The following PXDC1 variants were observed in gnomAD, a reference collection of about 807,000 sequenced individuals.
PXDC1 encodes the protein PX domain containing 1, also known as PX domain-containing protein 1.
Under a neutral mutation model 24.4 loss-of-function variants are expected in PXDC1, and 13 were observed. The observed-to-expected ratio is 0.53, with a 90% CI of 0.35 to 0.85. The LOEUF (loss-of-function observed/expected upper bound fraction) is 0.85, where lower values mean the gene tolerates loss of function less well. PXDC1 is among the 40% of genes least tolerant of loss of function. The pLI is 0.01. For missense variants in PXDC1, 344 were observed against 309.3 expected, an observed-to-expected ratio of 1.11 and a Z score of -0.84; for synonymous variants, 162 against 124.9, an observed-to-expected ratio of 1.30 and a Z score of -1.98.
intron 3 of PXDC1, among the ~76,000 whole-genome samples, chr6:3,734,053 G>A (rs933535642): frequency 3.3e-5 from 5 of 152,182 alleles, no homozygotes; most frequent in African/African-American, 9.7e-5. Flanking sequence ...CATCACACAC[G>A]GAAGGCCACA....
intron 4 of PXDC1, among the ~76,000 whole-genome samples, chr6:3,726,683 C>G (rs1442753994): frequency 6.6e-6 from 1 of 152,246 alleles, no homozygotes; most frequent in Non-Finnish European, 1.5e-5. Context: ...GTGGCCGGCT[C>G]TAGTTTCAAT....
chr6:3,741,087 C>A (rs1053825479), intron 1 of PXDC1, among the ~76,000 whole-genome samples: 1 of 152,252 alleles, frequency 6.6e-6, no homozygotes, highest in African/African-American at 2.4e-5. Flanking sequence ...TTGGGCAGCA[C>A]CCCAGTCTCG....
chr6:3,723,671 G>C lies in PXDC1; in HGVS notation c.644C>G (p.Thr215Ser). ...EDGDDPAAYVTNLSYYHLVPF... is the reference protein window; with the variant it reads ...EDGDDPAAYVSNLSYYHLVPF... ...GACCAGGTGGTAATATGACAGGTTG[G>C]TGACGTAGGCTGCTGGGTCGTCCCC... is the stretch of plus-strand genomic sequence containing the variant. Residue 215 changes from threonine to serine, a missense_variant, in exon 5 of 5, where the codon ACC (threonine) becomes AGC (serine). Physicochemically the swap from Thr to Ser is moderately conservative, Grantham distance 58 (BLOSUM62 1). Transcript: ENST00000380283. 1 of 1,614,196 alleles carries C rather than the reference G, an allele frequency of 6.2e-7. No homozygotes were observed. The highest frequency in any genetic ancestry group is 8.5e-7 in the Non-Finnish European group (1 of 1,180,018).
At chr6:3,731,881 A>C (rs1008750359) in intron 3 of PXDC1, among the ~76,000 whole-genome samples, 29 of 152,158 alleles carry the variant, frequency 1.9e-4, no homozygotes, top group African/African-American at 6.8e-4. Context: ...TGAGACCTGG[A>C]GTGGCATATG....
At position 3,751,678 on chromosome 6, in the gene PXDC1, C is replaced by T; in HGVS notation, c.-147G>A. 9.1e-6 allele frequency: 11 copies of T among 1,204,690 alleles called. No individual in the cohort carries two copies. Among genetic ancestry groups the T allele is most frequent in the Non-Finnish European group, 1.1e-5 (11 of 958,358 alleles). 74.6% of individuals were successfully genotyped at this position (1,204,690 alleles called of 1,614,324 possible). ...TCACTCCAAGGAGGCTGCGTATGGCCCGCGTTCGGGGCAGCGGGGCGGCGC... is the reference window on the plus strand; with the variant it reads ...TCACTCCAAGGAGGCTGCGTATGGCTCGCGTTCGGGGCAGCGGGGCGGCGC... On this transcript the variant is annotated 5_prime_UTR_variant, in exon 1 of 5. Transcript: ENST00000380283.
In PXDC1 at chr6:3,724,423, T is replaced by C. The variant is rs1760010660; in HGVS notation, c.579-687A>G. ...TGACTCCCCACACACTGGAACTGTTTCTACTCCCTCTGCAGCCCAGGCAGA... is the reference window on the plus strand; with the variant it reads ...TGACTCCCCACACACTGGAACTGTTCCTACTCCCTCTGCAGCCCAGGCAGA... On this transcript the variant is annotated intron_variant, in intron 4 of 4. Coordinates refer to ENST00000380283, the MANE Select transcript of PXDC1 (RefSeq NM_183373.4). This position sits in a 1 kb window ranked among gnomAD's most constrained non-coding sequence, Gnocchi z 4.5. Among the ~76,000 whole-genome samples the C allele has an allele frequency of 6.6e-6, 1 of 152,154 alleles. No homozygotes were observed. Among genetic ancestry groups the C allele is most frequent in the Admixed American group, 6.5e-5 (1 of 15,282 alleles).
At chr6:3,740,747 TG>T (rs1429663643) in intron 1 of PXDC1, among the ~76,000 whole-genome samples, 4 of 152,220 alleles carry the variant, frequency 2.6e-5, no homozygotes, top group African/African-American at 9.6e-5. Flanking sequence ...AGGCTCATGA[TG>T]GGGCAAAGCC....
At chr6:3,734,110 G>A (rs888760282) in intron 3 of PXDC1, among the ~76,000 whole-genome samples, 2 of 152,206 alleles carry the variant, frequency 1.3e-5, no homozygotes, top group Admixed American at 1.3e-4. Flanking sequence ...AAAAGGCAAA[G>A]AAAACATACT....
In PXDC1 at chr6:3,725,986, T is replaced by C. The variant is rs1323071517; in HGVS notation, c.578+1565A>G. Reference sequence around the variant, plus strand: ...GTCACTCCTGTGCACATGCAGTCAGTCCCGGGCAGCTGCAAGAGCCACACC... The same window carrying C: ...GTCACTCCTGTGCACATGCAGTCAGCCCCGGGCAGCTGCAAGAGCCACACC... On this transcript the variant is annotated intron_variant, in intron 4 of 4. Transcript: ENST00000380283. This position sits in a 1 kb window ranked among gnomAD's most constrained non-coding sequence, Gnocchi z 4.8. 8.2e-5 allele frequency among the ~76,000 whole-genome samples: 12 copies of C among 146,622 alleles called. No individual in the cohort carries two copies. Among genetic ancestry groups the C allele is most frequent in the African/African-American group, 2.9e-4 (12 of 40,746 alleles).
chr6:3,736,661 C>T (rs999175892), intron 3 of PXDC1, among the ~76,000 whole-genome samples: 3 of 152,220 alleles, frequency 2.0e-5, no homozygotes, highest in African/African-American at 7.2e-5. Flanking sequence ...CCCACATCCA[C>T]GCTAAGGAGA....
At chr6:3,739,404 T>C (rs1760404682) in intron 1 of PXDC1, among the ~76,000 whole-genome samples, 1 of 152,228 alleles carries the variant, frequency 6.6e-6, no homozygotes, top group African/African-American at 2.4e-5. Flanking sequence ...GCTCACCTGG[T>C]ATCCCAGCAG....
At position 3,723,514 on chromosome 6, in the gene PXDC1, G is replaced by T; in HGVS notation, c.*105C>A. ...CGTCAGTGGGGCCTGGGACGTCTGG[G>T]AGTTCCAGAGCTGGGGCAGCAGCTG... On this transcript the variant is annotated 3_prime_UTR_variant, in exon 5 of 5. Coordinates refer to ENST00000380283, the MANE Select transcript of PXDC1 (RefSeq NM_183373.4). 1.1e-6 allele frequency: 1 copy of T among 879,466 alleles called. No individual in the cohort carries two copies. Among genetic ancestry groups the T allele is most frequent in the Non-Finnish European group, 1.9e-6 (1 of 534,030 alleles). 54.5% of individuals were successfully genotyped at this position (879,466 alleles called of 1,614,324 possible). A position where few individuals can be genotyped will look rare whatever the true frequency, so the allele number is the denominator to read the frequency against.
chr6:3,741,097 G>C lies in PXDC1; in HGVS notation c.257-2949C>G, dbSNP rs183354599. Among the ~76,000 whole-genome samples the C allele has an allele frequency of 3.0e-3, 461 of 152,348 alleles. 2 individuals are homozygous for C. The highest frequency in any genetic ancestry group is 0.011 in the African/African-American group (438 of 41,570). On this transcript the variant is annotated intron_variant, in intron 1 of 4. Coordinates refer to ENST00000380283, the MANE Select transcript of PXDC1 (RefSeq NM_183373.4). ...TGCCCTTGGGCAGCACCCCAGTCTC[G>C]GTCTTCTCGTCATCACCTCAGCCTG...
intron 1 of PXDC1, among the ~76,000 whole-genome samples, chr6:3,750,041 G>T (rs935947800): frequency 2.0e-5 from 3 of 152,254 alleles, no homozygotes; most frequent in African/African-American, 7.2e-5. Context: ...TGAGGCTCTG[G>T]GGAGCAGAGG....
intron 1 of PXDC1, among the ~76,000 whole-genome samples, chr6:3,743,964 T>TG (rs1000601618): frequency 1.3e-5 from 2 of 152,152 alleles, no homozygotes; most frequent in African/African-American, 4.8e-5. Context: ...GGACCCAAGC[T>TG]GGGGGCTGAG....
Position 3,737,298 on chromosome 6 carries a change from G to C in PXDC1, c.349-102C>G, listed in dbSNP as rs534764025. 8 of 816,776 alleles carry C rather than the reference G, an allele frequency of 9.8e-6. No homozygotes were observed. The African/African-American group carries it at 1.2e-4, about 12-fold the overall frequency. 50.6% of individuals were successfully genotyped at this position (816,776 alleles called of 1,614,324 possible). A position where few individuals can be genotyped will look rare whatever the true frequency, so the allele number is the denominator to read the frequency against. Reference sequence around the variant, plus strand: ...CCGCTCCTCCGCAGAGGCAGCCTGTGTGATGCAAACGCCCCATGAATGTCC... The same window carrying C: ...CCGCTCCTCCGCAGAGGCAGCCTGTCTGATGCAAACGCCCCATGAATGTCC... On this transcript the variant is annotated intron_variant, in intron 2 of 4. Transcript: ENST00000380283. This position sits in a 1 kb window ranked among gnomAD's most constrained non-coding sequence, Gnocchi z 5.5.
At chr6:3,751,178 G>A (rs1380248965) in intron 1 of PXDC1, 98 bp downstream of exon 1, 7 of 961,566 alleles carry the variant, frequency 7.3e-6, no homozygotes, top group East Asian at 6.3e-5. Flanking sequence ...GGGCAGAAAG[G>A]AGAAGTCGCA....
chr6:3,743,920 A>G (rs1036237761), intron 1 of PXDC1, among the ~76,000 whole-genome samples: 1 of 152,204 alleles, frequency 6.6e-6, no homozygotes, highest in Non-Finnish European at 1.5e-5. Context: ...AGAGGAAGAG[A>G]TGGAAGTGGC....
intron 1 of PXDC1, among the ~76,000 whole-genome samples, chr6:3,739,599 G>A (rs1041775717): frequency 2.0e-5 from 3 of 152,216 alleles, no homozygotes; most frequent in South Asian, 2.1e-4. Context: ...GCCCAAGCAC[G>A]ATGCCCTGGC....
Sources: gnomAD v4.1 joint callset for allele counts (sites outside exome capture counted in the v4.1 genomes callset) on GRCh38, gnomAD v4.1.1 for gene constraint, Gnocchi (gnomAD v3.1) non-coding constraint, MANE v1.5 for transcripts, NCBI Gene and HGNC (gene_info 2026-07-23, HGNC 2026-07-21) for gene names.